Variants in RPSA2 observed in about 807,000 individuals in gnomAD.
RPSA2 encodes ribosomal protein SA 2.
the RPSA2 span, chr19:23,832,719 C>A: frequency 6.5e-7 from 1 of 1,529,232 alleles, no homozygotes; most frequent in Non-Finnish European, 8.9e-7. Flanking sequence ...AGAAACCCTA[C>A]AAATGTGAAG....
the RPSA2 span, chr19:23,823,890 G>C: frequency 1.3e-5 from 2 of 152,370 alleles, no homozygotes; most frequent in East Asian, 3.9e-4. Context: ...GGTCTCTCCT[G>C]GCTTGGGGTC....
the RPSA2 span, among the ~76,000 whole-genome samples, chr19:23,868,903 C>G: frequency 0.98 from 148,834 of 152,222 alleles, 72,852 homozygotes; most frequent in Middle Eastern, 1. Context: ...GACAGAAGGC[C>G]AACTGGAGTC....
the RPSA2 span, among the ~76,000 whole-genome samples, chr19:23,799,859 A>G: frequency 6.6e-6 from 1 of 152,180 alleles, no homozygotes; most frequent in African/African-American, 2.4e-5. Context: ...GACCTCCCCA[A>G]TGTCCAGGTG....
the RPSA2 span, among the ~76,000 whole-genome samples, chr19:23,840,260 G>A: frequency 6.6e-6 from 1 of 152,172 alleles, no homozygotes; most frequent in East Asian, 1.9e-4. Context: ...TCATGACAGT[G>A]AAATGACCTC....
At chr19:23,782,259 G>A in the RPSA2 span, 14 of 152,306 alleles carry the variant, frequency 9.2e-5, no homozygotes, top group Middle Eastern at 3.4e-3. Context: ...CCAGCACCTA[G>A]CTGATGTGAC....
chr19:23,763,263 C>T, the RPSA2 span: 1 of 152,560 alleles, frequency 6.6e-6, no homozygotes, highest in Non-Finnish European at 1.5e-5. Flanking sequence ...TCCCAGGCCC[C>T]TCTGGCCGCA....
chr19:23,759,753 A>C, the RPSA2 span, among the ~76,000 whole-genome samples: 1 of 151,088 alleles, frequency 6.6e-6, no homozygotes, highest in Non-Finnish European at 1.5e-5. Flanking sequence ...TGAACTCCTG[A>C]CCTCGTGATT....
the RPSA2 span, among the ~76,000 whole-genome samples, chr19:23,830,855 A>G: frequency 7.3e-3 from 1,105 of 150,950 alleles, 76 homozygotes; most frequent in East Asian, 0.17. Flanking sequence ...TTTGATTGTG[A>G]TTTGGACATT....
the RPSA2 span, among the ~76,000 whole-genome samples, chr19:23,836,068 G>T: frequency 2.6e-5 from 4 of 152,092 alleles, no homozygotes; most frequent in African/African-American, 9.7e-5. Context: ...TTCTTTAGTG[G>T]TGATTTGTGA....
the RPSA2 span, among the ~76,000 whole-genome samples, chr19:23,797,105 A>ATATT: frequency 4.6e-5 from 7 of 151,252 alleles, no homozygotes; most frequent in African/African-American, 1.2e-4. Context: ...ATTTTTATTT[A>ATATT]TATTTATTTA....
chr19:23,791,284 G>A, the RPSA2 span, among the ~76,000 whole-genome samples: 1 of 152,148 alleles, frequency 6.6e-6, no homozygotes, highest in East Asian at 1.9e-4. Context: ...ACAGGCATGA[G>A]TCACTGCGCC....
At chr19:23,848,369 G>T in the RPSA2 span, among the ~76,000 whole-genome samples, 1 of 152,072 alleles carries the variant, frequency 6.6e-6, no homozygotes, top group African/African-American at 2.4e-5. Flanking sequence ...TCTTTGACTG[G>T]TCCAGCACAC....
the RPSA2 span, among the ~76,000 whole-genome samples, chr19:23,792,267 T>C: frequency 6.6e-5 from 10 of 152,282 alleles, no homozygotes; most frequent in South Asian, 2.1e-3. Context: ...AGGCTAATAT[T>C]GAGCCTGCAA....
At chr19:23,827,025 A>T in the RPSA2 span, 7 of 669,390 alleles carry the variant, frequency 1.0e-5, no homozygotes, top group Non-Finnish European at 1.9e-5. Flanking sequence ...CTACTGAATG[A>T]TTTATTGAAA....
the RPSA2 span, among the ~76,000 whole-genome samples, chr19:23,764,491 T>C: frequency 0.094 from 14,348 of 152,206 alleles, 746 homozygotes; most frequent in East Asian, 0.22. Context: ...AAACACTTTT[T>C]TATTGGAGAC....
At chr19:23,781,634 C>A in the RPSA2 span, among the ~76,000 whole-genome samples, 1 of 152,172 alleles carries the variant, frequency 6.6e-6, no homozygotes, top group African/African-American at 2.4e-5. Flanking sequence ...CCACCATGCC[C>A]AGCCTAAGGC....
chr19:23,845,839 T>A, the RPSA2 span, among the ~76,000 whole-genome samples: 1 of 145,308 alleles, frequency 6.9e-6, no homozygotes. Context: ...GATCATGTTG[T>A]TTTAATTGTT....
the RPSA2 span, among the ~76,000 whole-genome samples, chr19:23,864,497 A>C: frequency 6.6e-6 from 1 of 152,058 alleles, no homozygotes; most frequent in Admixed American, 6.5e-5. Flanking sequence ...ACACTATAAC[A>C]GTGCAAATAC....
At chr19:23,847,126 T>A in the RPSA2 span, among the ~76,000 whole-genome samples, 1 of 152,098 alleles carries the variant, frequency 6.6e-6, no homozygotes, top group Non-Finnish European at 1.5e-5. Context: ...ATTCTTTTTA[T>A]GCCTGTTTCA....
Sources: allele counts gnomAD v4.1 joint callset (sites outside exome capture counted in the v4.1 genomes callset), GRCh38; gene constraint gnomAD v4.1.1; transcripts MANE v1.5; gene names NCBI Gene and HGNC (gene_info 2026-07-23, HGNC 2026-07-21).